Variants in ARID1B observed in about 807,000 individuals in gnomAD.
ARID1B encodes AT-rich interactive domain-containing protein 1B.
Under a neutral mutation model 212.3 loss-of-function variants are expected in ARID1B, and 30 were observed. The observed-to-expected ratio is 0.14, with a 90% CI of 0.11 to 0.19. ARID1B has a LOEUF of 0.19. ARID1B is among the 10% of genes least tolerant of loss of function. The probability of loss-of-function intolerance (pLI) is 1.00; values close to 1 mark genes in which losing one functional copy is unlikely to be tolerated. For synonymous variants in ARID1B, 1,402 were observed against 1,301.7 expected, an observed-to-expected ratio of 1.08 and a Z score of -1.66; for missense variants, 2,891 against 3,204.0, an observed-to-expected ratio of 0.90 and a Z score of 2.36.
At position 157,206,919 on chromosome 6, in the gene ARID1B, A is replaced by T. The variant is rs1794504354; in HGVS notation, c.6147A>T (p.Arg2049=). ...IKLLEDEPRS[R]DETPLCTIAH... ...TGCTGGAGGACGAGCCCAGGAGCCG[A>T]GACGAGACTCCTCTGTGTACCATCG... The change falls in exon 20 of 20, where the codon CGA becomes CGT. Residue 2049 remains arginine (R), a synonymous_variant. Transcript: ENST00000636930. This position sits in a 1 kb window ranked among gnomAD's most constrained non-coding sequence, Gnocchi z 6.8. 6.2e-7 allele frequency: 1 copy of T among 1,614,000 alleles called. No homozygotes were observed. The highest frequency in any genetic ancestry group is 8.5e-7 in the Non-Finnish European group (1 of 1,180,036).
intron 2 of ARID1B, among the ~76,000 whole-genome samples, chr6:156,868,563 G>A (rs1785881624): frequency 6.6e-6 from 1 of 152,160 alleles, no homozygotes; most frequent in African/African-American, 2.4e-5. Context: ...TGTGCCATTG[G>A]GCTGTGTCCT....
chr6:157,002,500 CAAACTT>C (rs1422863151), intron 4 of ARID1B, among the ~76,000 whole-genome samples: 2 of 152,196 alleles, frequency 1.3e-5, no homozygotes, highest in East Asian at 1.9e-4. Context: ...ACAAAGGAAA[CAAACTT>C]AACTGTGTAG....
intron 1 of ARID1B, among the ~76,000 whole-genome samples, chr6:156,798,182 C>A (rs559159092): frequency 2.6e-5 from 4 of 152,204 alleles, no homozygotes; most frequent in African/African-American, 7.2e-5. Context: ...CTGCGCCTGC[C>A]GCTCTGCTTT....
At chr6:156,919,480 G>T (rs986444038) in intron 3 of ARID1B, among the ~76,000 whole-genome samples, 1 of 152,120 alleles carries the variant, frequency 6.6e-6, no homozygotes, top group South Asian at 2.1e-4. Flanking sequence ...GGGATGGAAG[G>T]CTCCTCCTGA....
At chr6:156,935,690 T>G in intron 4 of ARID1B, 114 bp downstream of exon 4, 2 of 959,138 alleles carry the variant, frequency 2.1e-6, no homozygotes, top group Non-Finnish European at 3.1e-6. Flanking sequence ...GTTTCTAGAC[T>G]TCAGGTTTAT....
intron 6 of ARID1B, chr6:157,110,939 G>C: frequency 4.5e-6 from 1 of 220,312 alleles, no homozygotes; most frequent in Non-Finnish European, 9.2e-6. Flanking sequence ...GGGGTTGTGT[G>C]TGTTAATACT....
chr6:157,026,229 A>T (rs1780657658), intron 4 of ARID1B, among the ~76,000 whole-genome samples: 1 of 152,144 alleles, frequency 6.6e-6, no homozygotes, highest in African/African-American at 2.4e-5. Context: ...TAAAAATCAG[A>T]TCTCTCCTTT....
intron 4 of ARID1B, among the ~76,000 whole-genome samples, chr6:157,052,090 G>A (rs962986291): frequency 2.8e-4 from 43 of 152,140 alleles, no homozygotes; most frequent in African/African-American, 3.4e-4. Flanking sequence ...CAGGTACGTC[G>A]TATTTTACCA....
intron 5 of ARID1B, among the ~76,000 whole-genome samples, chr6:157,088,454 A>C (rs1375187650): frequency 6.6e-6 from 1 of 152,222 alleles, no homozygotes; most frequent in African/African-American, 2.4e-5. Flanking sequence ...TGGGGAAAAA[A>C]AATGATTGTC....
In ARID1B at chr6:157,167,075, T is replaced by G. The variant is rs1476540063; in HGVS notation, c.3125T>G (p.Leu1042Arg). The stretch of plus-strand genomic sequence containing the variant: ...TTCCCCGGCATGAACCAGAGTGGAC[T>G]TATGGCTTCCAGCTCTCCCTACAGC... The part of the protein sequence containing the change: ...GSFPGMNQSG[L>R]MASSSPYSQP... The change falls in exon 9 of 20, where the codon CTT (leucine) becomes CGT (arginine). Residue 1042 changes from leucine (L) to arginine (R), a missense_variant. Transcript: ENST00000636930. 1.9e-6 allele frequency: 3 copies of G among 1,612,584 alleles called. No homozygotes were observed. The highest frequency in any genetic ancestry group is 1.7e-6 in the Non-Finnish European group (2 of 1,180,024).
At chr6:157,090,564 T>A (rs1785213242) in intron 5 of ARID1B, among the ~76,000 whole-genome samples, 1 of 152,260 alleles carries the variant, frequency 6.6e-6, no homozygotes. Context: ...ATTGTTCTTC[T>A]TGCTTGGTAT....
At chr6:156,972,096 T>A (rs934148183) in intron 4 of ARID1B, among the ~76,000 whole-genome samples, 4 of 152,216 alleles carry the variant, frequency 2.6e-5, no homozygotes, top group Non-Finnish European at 5.9e-5. Context: ...TTAAACTTTT[T>A]AAAAATGGTA....
chr6:157,032,553 T>C (rs1373844269), intron 4 of ARID1B, among the ~76,000 whole-genome samples: 1 of 152,208 alleles, frequency 6.6e-6, no homozygotes, highest in Non-Finnish European at 1.5e-5. Flanking sequence ...AGGCCCACCA[T>C]AGATGTTGAG....
At chr6:156,788,339 T>C (rs1461638556) in intron 1 of ARID1B, among the ~76,000 whole-genome samples, 1 of 152,204 alleles carries the variant, frequency 6.6e-6, no homozygotes, top group African/African-American at 2.4e-5. Flanking sequence ...GGACTCTTGC[T>C]CAGCAGTTGT....
At chr6:156,803,633 CTTT>C (rs1384160323) in intron 1 of ARID1B, among the ~76,000 whole-genome samples, 1 of 139,220 alleles carries the variant, frequency 7.2e-6, no homozygotes, top group African/African-American at 2.6e-5. Context: ...ATCTTTTTCT[CTTT>C]TTTTTTTTTT....
chr6:157,179,512 T>A (rs950191273), intron 11 of ARID1B, among the ~76,000 whole-genome samples: 1 of 152,210 alleles, frequency 6.6e-6, no homozygotes, highest in Non-Finnish European at 1.5e-5. Context: ...ACATATATAT[T>A]TTTTAAGCTC....
intron 8 of ARID1B, among the ~76,000 whole-genome samples, chr6:157,160,956 A>G (rs554653929): frequency 4.3e-4 from 65 of 152,324 alleles, no homozygotes; most frequent in African/African-American, 1.5e-3. Flanking sequence ...TGTGGTCGCA[A>G]CTTCGCACTC....
chr6:157,025,589 C>T (rs888956465), intron 4 of ARID1B, among the ~76,000 whole-genome samples: 3 of 57,246 alleles, frequency 5.2e-5, no homozygotes, highest in Admixed American at 4.7e-4. Context: ...AGTCAGGCTT[C>T]TTAGCACAGT....
chr6:157,140,846 C>A, intron 7 of ARID1B: 1 of 394,360 alleles, frequency 2.5e-6, no homozygotes, highest in Non-Finnish European at 4.5e-6. Context: ...GCTCCCTTCC[C>A]CTCAGCACTC....
Sources: allele counts gnomAD v4.1 joint callset (sites outside exome capture counted in the v4.1 genomes callset), GRCh38; gene constraint gnomAD v4.1.1; non-coding constraint Gnocchi (gnomAD v3.1); transcripts MANE v1.5; gene names NCBI Gene and HGNC (gene_info 2026-07-23, HGNC 2026-07-21).